The following NAV1 variants were observed in gnomAD, a reference collection of about 807,000 sequenced individuals.
The protein encoded by NAV1 is neuron navigator 1.
Under a neutral mutation model 175.2 loss-of-function variants are expected in NAV1, and 18 were observed. The observed-to-expected ratio is 0.10, with a 90% CI of 0.07 to 0.15. The LOEUF is 0.15. Among genes scored for constraint, NAV1 ranks in the 10% least tolerant of loss-of-function variants. NAV1 has a pLI of 1.00. For synonymous variants in NAV1, 897 were observed against 978.7 expected (o/e 0.92, Z 1.56); for missense variants, 1,731 against 2,436.6 (o/e 0.71, Z 6.10).
chr1:201,631,931 G>C (rs1668489209), intron 2 of NAV1, among the ~76,000 whole-genome samples: 1 of 152,138 alleles, frequency 6.6e-6, no homozygotes, highest in South Asian at 2.1e-4. Flanking sequence ...GTCAGGGTTT[G>C]GTGAAGGTAT....
At chr1:201,776,712 C>T (rs1675973120) in intron 3 of NAV1, among the ~76,000 whole-genome samples, 1 of 150,066 alleles carries the variant, frequency 6.7e-6, no homozygotes, top group Admixed American at 6.6e-5. Flanking sequence ...GAAAATCAGC[C>T]AAAAAATCTG....
At chr1:201,804,578 C>CAAA in intron 17 of NAV1, 81 bp downstream of exon 21, 3 of 814,146 alleles carry the variant, frequency 3.7e-6, no homozygotes, top group Admixed American at 3.4e-5. Context: ...CTCCCTTCCC[C>CAAA]TAAAAAAAAA....
chr1:201,692,751 TG>T (rs1185954006), intron 1 of NAV1, among the ~76,000 whole-genome samples: 1 of 152,222 alleles, frequency 6.6e-6, no homozygotes, highest in Non-Finnish European at 1.5e-5. Flanking sequence ...AGCCCTGCAG[TG>T]GGCACCTACA....
chr1:201,688,821 T>C (rs1176694632), intron 1 of NAV1, among the ~76,000 whole-genome samples: 1 of 152,198 alleles, frequency 6.6e-6, no homozygotes, highest in Admixed American at 6.5e-5. Context: ...GTCCCTGATA[T>C]GATAGAATGA....
exon 30 of NAV1, chr1:201,825,225 G>A (rs920546350): frequency 2.6e-5 from 4 of 151,974 alleles, no homozygotes; most frequent in Non-Finnish European, 5.9e-5. Context: ...GCACACAAAG[G>A]GGCTTCAACA....
In NAV1 at chr1:201,810,076, G is replaced by C. The variant is rs767104016; in HGVS notation, c.4532G>C (p.Gly1511Ala). ...CCCGAGATGCCTCCTTGCCGTCGAG[G>C]TGTCAATAACATATCAGTCTCCCTC... The change falls in exon 23 of 30, where the codon GGT becomes GCT. Residue 1511 changes from glycine (G) to alanine (A), a missense_variant. By Grantham distance (60) the Gly-to-Ala change is moderately conservative. Around this residue, in one of 13 missense-constraint regions of NAV1, gnomAD observed 36 missense variants for 45.3 expected, o/e 0.80. Coordinates refer to ENST00000367296, the Ensembl canonical transcript of NAV1. This position sits in a 1 kb window ranked among gnomAD's most constrained non-coding sequence, Gnocchi z 6.0. The C allele has an allele frequency of 1.9e-6, 3 of 1,613,854 alleles. No individual in the cohort carries two copies. Among genetic ancestry groups the C allele is most frequent in the Middle Eastern group, 1.7e-4 (1 of 6,060 alleles).
intron 2 of NAV1, among the ~76,000 whole-genome samples, chr1:201,616,033 A>C (rs1408612080): frequency 7.1e-6 from 1 of 141,552 alleles, no homozygotes; most frequent in African/African-American, 3.0e-5. Flanking sequence ...TGTGATCATA[A>C]TAAATAACAG....
chr1:201,683,058 T>C (rs1670527560), intron 1 of NAV1, among the ~76,000 whole-genome samples: 1 of 152,212 alleles, frequency 6.6e-6, no homozygotes, highest in Non-Finnish European at 1.5e-5. Context: ...CTTTTTCTGT[T>C]CCAGGATCCC....
intron 1 of NAV1, among the ~76,000 whole-genome samples, chr1:201,680,533 T>C (rs1312068859): frequency 6.6e-6 from 1 of 151,624 alleles, no homozygotes. Flanking sequence ...AATAAATAAA[T>C]AAAATAAAAT....
In NAV1 at chr1:201,630,424, G is replaced by A. The variant is rs148613580; in HGVS notation, c.4+917G>A. Among the ~76,000 whole-genome samples, 443 of 152,304 alleles carry A rather than the reference G, an allele frequency of 2.9e-3. 1 individual carries two copies. Among genetic ancestry groups the A allele is most frequent in the African/African-American group, 9.6e-3 (400 of 41,566 alleles). Reference sequence around the variant, plus strand: ...GTGCCCTGCTCCAGCGGGCCAAGCTGGGGCTTAGAACACAGCCTGACCCTG... The same window carrying A: ...GTGCCCTGCTCCAGCGGGCCAAGCTAGGGCTTAGAACACAGCCTGACCCTG... On this transcript the variant is annotated intron_variant, in intron 2 of 29. Transcript: ENST00000367302.
At chr1:201,775,750 C>A (rs571878273) in intron 3 of NAV1, among the ~76,000 whole-genome samples, 25 of 152,182 alleles carry the variant, frequency 1.6e-4, no homozygotes, top group African/African-American at 5.8e-4. Flanking sequence ...TTTAAAGAAG[C>A]CTTGGAAATT....
rs1262748422 is a variant in NAV1 at position 201,744,313 on chromosome 1, TATG to T, written c.1226+25559_1226+25561del. Among the ~76,000 whole-genome samples, 504 of 106,230 alleles carry T rather than the reference TATG, an allele frequency of 4.7e-3. 1 individual carries two copies. The highest frequency in any genetic ancestry group is 0.012 in the African/African-American group (428 of 36,130). 69.7% of individuals were successfully genotyped at this position (106,230 alleles called of 152,430 possible). ...AGGAGCTGACGGCTATGTATGTATGTATGTATTTATTTATTTATTTATTTATTT... is the reference window on the plus strand; with the variant it reads ...AGGAGCTGACGGCTATGTATGTATGTTATTTATTTATTTATTTATTTATTT... On this transcript the variant is annotated intron_variant, in intron 3 of 29. Coordinates refer to ENST00000367296, the Ensembl canonical transcript of NAV1.
At chr1:201,650,480 G>C (rs1176875197) in intron 1 of NAV1, among the ~76,000 whole-genome samples, 1 of 152,188 alleles carries the variant, frequency 6.6e-6, no homozygotes. Context: ...TGGGTCCTCC[G>C]GCGCCGAGGG....
chr1:201,702,688 C>G (rs1284488591), intron 1 of NAV1, among the ~76,000 whole-genome samples: 5 of 143,406 alleles, frequency 3.5e-5, no homozygotes, highest in African/African-American at 1.1e-4. Flanking sequence ...CTCTCTCTCT[C>G]TCTCTCTCTC....
chr1:201,579,644 C>T (rs571491350), intron 1 of NAV1, among the ~76,000 whole-genome samples: 1 of 152,306 alleles, frequency 6.6e-6, no homozygotes, highest in Non-Finnish European at 1.5e-5. Context: ...ACATGAGCCA[C>T]TGTGCTTGGC....
chr1:201,570,152 C>T (rs1445393718), intron 1 of NAV1, among the ~76,000 whole-genome samples: 1 of 152,172 alleles, frequency 6.6e-6, no homozygotes, highest in Non-Finnish European at 1.5e-5. Flanking sequence ...ACAAAAAAAT[C>T]AGAGCAGGTG....
At chr1:201,642,525 T>TTTCTTTCTTTCTTTTTCTTTTTTTC (rs1553247052) in intron 2 of NAV1, among the ~76,000 whole-genome samples, 1 of 100,304 alleles carries the variant, frequency 1.0e-5, no homozygotes, top group Non-Finnish European at 2.0e-5. Flanking sequence ...TTCTTTCTTT[T>TTTCTTTCTTTCTTTTTCTTTTTTTC]TTTCTTTCTT....
intron 2 of NAV1, among the ~76,000 whole-genome samples, chr1:201,617,352 C>T (rs1668035160): frequency 6.6e-6 from 1 of 152,112 alleles, no homozygotes; most frequent in Non-Finnish European, 1.5e-5. Flanking sequence ...CTTGAGACTC[C>T]CCAGACACAT....
At chr1:201,727,123 G>A (rs915227499) in intron 3 of NAV1, among the ~76,000 whole-genome samples, 4 of 152,100 alleles carry the variant, frequency 2.6e-5, no homozygotes, top group Admixed American at 6.6e-5. Flanking sequence ...ATACTCTTAC[G>A]TTAGATATCA....
Sources: gnomAD v4.1 joint callset for allele counts (sites outside exome capture counted in the v4.1 genomes callset) on GRCh38, gnomAD v4.1.1 for gene constraint, gnomAD v4.1.1 regional missense constraint, Gnocchi (gnomAD v3.1) non-coding constraint, MANE v1.5 for transcripts, NCBI Gene and HGNC (gene_info 2026-07-23, HGNC 2026-07-21) for gene names.